STX18: variants seen among roughly 807,000 people sequenced by gnomAD.
STX18 encodes the protein syntaxin 18, also known as syntaxin-18.
In STX18, 40 loss-of-function variants were observed where a neutral mutation model predicts 50.1. That is an observed-to-expected ratio of 0.80 (90% CI 0.62 to 1.04). STX18 has a LOEUF of 1.04. STX18 is among the 50% of genes least tolerant of loss of function. The pLI is 0.00. For missense variants in STX18, 410 were observed against 415.8 expected (o/e 0.99, Z 0.12); for synonymous variants, 158 against 151.8 (o/e 1.04, Z -0.30).
intron 1 of STX18, among the ~76,000 whole-genome samples, chr4:4,529,832 G>A (rs1351058377): frequency 1.3e-5 from 2 of 152,290 alleles, no homozygotes; most frequent in East Asian, 3.9e-4. Flanking sequence ...TCAACAAGTG[G>A]TAGCCATTAT....
At chr4:4,438,548 A>G (rs752342779) in intron 5 of STX18, 39 bp from the exon 6 acceptor site, 4 of 1,508,262 alleles carry the variant, frequency 2.7e-6, no homozygotes, top group South Asian at 2.3e-5. Flanking sequence ...TTTTATTTCC[A>G]TAACAGGATT....
intron 1 of STX18, among the ~76,000 whole-genome samples, chr4:4,508,119 C>T (rs1365841627): frequency 1.3e-5 from 2 of 152,214 alleles, no homozygotes; most frequent in East Asian, 3.8e-4. Flanking sequence ...ATGGCTGACA[C>T]TCCCCCTAGT....
intron 1 of STX18, among the ~76,000 whole-genome samples, chr4:4,484,003 A>G (rs1728581119): frequency 6.6e-6 from 1 of 152,120 alleles, no homozygotes. Context: ...CTGGGACTAC[A>G]GGTGCGTGCC....
intron 7 of STX18, among the ~76,000 whole-genome samples, chr4:4,429,827 G>T (rs1181166058): frequency 6.6e-6 from 1 of 152,194 alleles, no homozygotes; most frequent in Non-Finnish European, 1.5e-5. Flanking sequence ...GGCGAGCCCT[G>T]CCAGCCAGCC....
rs1409890000 is a variant in STX18, at chr4:4,541,936, C to G, written c.29G>C (p.Arg10Pro). Residue 10 changes from arginine to proline, a missense_variant, in exon 1 of 11, where the codon CGG becomes CCG. Coordinates refer to ENST00000306200, the MANE Select transcript of STX18 (RefSeq NM_016930.4). ...CGTCTTCACGGTCTTGACGCTGGCC[C>G]GGAATAGCAGCGTGATGTCCACCGC... is the stretch of plus-strand genomic sequence containing the variant. MAVDITLLF[R>P]ASVKTVKTRN... is the part of the protein sequence containing the mutation. 3.7e-6 allele frequency: 6 copies of G among 1,608,012 alleles called. No homozygotes were observed. Among genetic ancestry groups the G allele is most frequent in the South Asian group, 1.1e-5 (1 of 90,278 alleles).
chr4:4,536,213 T>C (rs1281711047), intron 1 of STX18, among the ~76,000 whole-genome samples: 1 of 152,248 alleles, frequency 6.6e-6, no homozygotes, highest in Non-Finnish European at 1.5e-5. Context: ...AGAACTGCAA[T>C]GAGCCTTGGA....
chr4:4,540,022 G>A (rs11945288), intron 1 of STX18, among the ~76,000 whole-genome samples: 10,279 of 152,136 alleles, frequency 0.068, 524 homozygotes, highest in African/African-American at 0.14. Flanking sequence ...TTCTACAAAA[G>A]GAATCTCAAG....
chr4:4,485,042 G>A (rs530088172), intron 1 of STX18, among the ~76,000 whole-genome samples: 29 of 152,332 alleles, frequency 1.9e-4, no homozygotes, highest in Admixed American at 1.6e-3. Flanking sequence ...TGTGGAGAGT[G>A]TGCATGCATG....
chr4:4,503,704 A>G (rs1729565953), intron 1 of STX18, among the ~76,000 whole-genome samples: 1 of 152,084 alleles, frequency 6.6e-6, no homozygotes, highest in African/African-American at 2.4e-5. Context: ...CCGGGATAGG[A>G]TATTATGTGG....
In STX18 at chr4:4,420,887, C is replaced by T; in HGVS notation, c.889G>A (p.Glu297Lys). 1 of 1,614,132 alleles carries T rather than the reference C, an allele frequency of 6.2e-7. No individual in the cohort carries two copies. Among genetic ancestry groups the T allele is most frequent in the Non-Finnish European group, 8.5e-7 (1 of 1,180,014 alleles). ...LVVGATENIKEGNEDIREAIK... is the reference protein window; with the variant it reads ...LVVGATENIKKGNEDIREAIK... Reference sequence around the variant, plus strand: ...ACCTCTCTTATGTCTTCGTTGCCTTCCTTGATATTTTCAGTTGCCCCCACA... The same window carrying T: ...ACCTCTCTTATGTCTTCGTTGCCTTTCTTGATATTTTCAGTTGCCCCCACA... Residue 297 changes from glutamate (E) to lysine (K), a missense_variant, in exon 10 of 11, where the codon GAA becomes AAA. By Grantham distance (56) the Glu-to-Lys change is moderately conservative (BLOSUM62 1). Coordinates refer to ENST00000306200, the MANE Select transcript of STX18 (RefSeq NM_016930.4). This position sits in a 1 kb window ranked among gnomAD's most constrained non-coding sequence, Gnocchi z 4.3.
At chr4:4,499,371 G>C in intron 1 of STX18, 1 of 318,352 alleles carries the variant, frequency 3.1e-6, no homozygotes, top group Non-Finnish European at 4.5e-6. Context: ...AAATTATAAA[G>C]TGGAATGGAG....
At chr4:4,431,597 G>A (rs1278410453) in intron 7 of STX18, among the ~76,000 whole-genome samples, 5 of 152,042 alleles carry the variant, frequency 3.3e-5, no homozygotes, top group Non-Finnish European at 5.9e-5. Flanking sequence ...TCTCCCACAT[G>A]CGTTTCTCTA....
At chr4:4,449,276 GC>G (rs1419005456) in intron 5 of STX18, among the ~76,000 whole-genome samples, 6 of 124,388 alleles carry the variant, frequency 4.8e-5, no homozygotes, top group East Asian at 3.9e-4. Context: ...TAAACTCCTG[GC>G]CTCAAGCAAT....
At chr4:4,481,821 G>A (rs533340625) in intron 1 of STX18, 1 of 152,262 alleles carries the variant, frequency 6.6e-6, no homozygotes, top group Admixed American at 6.5e-5. Flanking sequence ...CACAAAAGAG[G>A]CTAGCACAGC....
intron 1 of STX18, among the ~76,000 whole-genome samples, chr4:4,493,309 G>A (rs1729027053): frequency 6.8e-6 from 1 of 147,692 alleles, no homozygotes; most frequent in Non-Finnish European, 1.5e-5. Flanking sequence ...ACTGCCCATG[G>A]TTAATTTCAT....
chr4:4,494,196 A>T (rs1048420308), intron 1 of STX18, among the ~76,000 whole-genome samples: 1 of 152,212 alleles, frequency 6.6e-6, no homozygotes, highest in Non-Finnish European at 1.5e-5. Context: ...CAGCACCAAG[A>T]AAGTATTTAT....
intron 1 of STX18, among the ~76,000 whole-genome samples, chr4:4,488,866 C>T (rs1728809638): frequency 6.6e-6 from 1 of 152,134 alleles, no homozygotes; most frequent in Non-Finnish European, 1.5e-5. Flanking sequence ...ACCATCAAAA[C>T]TGTTACCTTG....
intron 1 of STX18, among the ~76,000 whole-genome samples, chr4:4,530,421 T>C (rs892402412): frequency 1.3e-5 from 2 of 151,538 alleles, no homozygotes; most frequent in African/African-American, 4.8e-5. Context: ...TGTCATGACA[T>C]ACTCTTCAGT....
At chr4:4,457,097 G>C in intron 5 of STX18, 94 bp downstream of exon 5, 2 of 1,207,120 alleles carry the variant, frequency 1.7e-6, no homozygotes, top group Admixed American at 3.8e-5. Flanking sequence ...TTCAAACACG[G>C]TACATTGCAT....
Sources: gnomAD v4.1 joint callset for allele counts (sites outside exome capture counted in the v4.1 genomes callset) on GRCh38, gnomAD v4.1.1 for gene constraint, Gnocchi (gnomAD v3.1) non-coding constraint, MANE v1.5 for transcripts, NCBI Gene and HGNC (gene_info 2026-07-23, HGNC 2026-07-21) for gene names.